The following SOX6 variants were observed in gnomAD, a reference collection of about 807,000 sequenced individuals.
The protein encoded by SOX6 is transcription factor SOX-6.
Under a neutral mutation model 97.8 loss-of-function variants are expected in SOX6, and 11 were observed. The ratio of observed to expected loss-of-function variants is 0.11; its 90% confidence interval spans 0.07 to 0.19. The LOEUF (loss-of-function observed/expected upper bound fraction) is 0.19. SOX6 is among the 10% of genes least tolerant of loss of function. SOX6 has a pLI of 1.00. For synonymous variants in SOX6, 360 were observed against 371.4 expected (o/e 0.97, Z 0.35); for missense variants, 810 against 1,039.5 (o/e 0.78, Z 3.04).
intron 1 of SOX6, among the ~76,000 whole-genome samples, chr11:16,425,459 T>C (rs1859106682): frequency 6.6e-6 from 1 of 152,206 alleles, no homozygotes; most frequent in Non-Finnish European, 1.5e-5. Context: ...TTGGAAGTCC[T>C]GGCCAGGGCA....
rs530960959 is a variant in SOX6 at position 16,516,282 on chromosome 11, T to G, written n.610-39894A>C. Among the ~76,000 whole-genome samples the G allele has an allele frequency of 6.2e-3, 943 of 152,170 alleles. 6 individuals carry two copies. Among genetic ancestry groups the G allele is most frequent in the Middle Eastern group, 0.031 (9 of 294 alleles). The stretch of plus-strand genomic sequence containing the variant: ...CCTTCACATCCCTTGTAAGTTGGAT[T>G]CCTAGGTATTTTATTCTCTTTGAAG... On this transcript the variant is annotated intron_variant and non_coding_transcript_variant, in intron 4 of 5. Transcript: ENST00000524520.
chr11:16,343,805 T>C (rs1590142306), intron 1 of SOX6, among the ~76,000 whole-genome samples: 1 of 151,966 alleles, frequency 6.6e-6, no homozygotes, highest in South Asian at 2.1e-4. Context: ...ATTCCTCCAG[T>C]GGCCATTCAG....
At chr11:16,569,860 C>A (rs1847918074) in intron 4 of SOX6, among the ~76,000 whole-genome samples, 1 of 67,136 alleles carries the variant, frequency 1.5e-5, no homozygotes, top group Non-Finnish European at 2.6e-5. Context: ...CTGATCAAGA[C>A]TCCGTCTCAA....
At chr11:16,073,225 G>C (rs1261554372) in intron 9 of SOX6, among the ~76,000 whole-genome samples, 1 of 151,998 alleles carries the variant, frequency 6.6e-6, no homozygotes, top group Non-Finnish European at 1.5e-5. Context: ...GACACCCATA[G>C]GCTAAAGGTA....
intron 3 of SOX6, among the ~76,000 whole-genome samples, chr11:16,700,450 G>A (rs1289143143): frequency 3.3e-5 from 5 of 152,120 alleles, no homozygotes; most frequent in African/African-American, 1.2e-4. Context: ...AGCAATAAAG[G>A]AATGTACTGG....
upstream of SOX6, among the ~76,000 whole-genome samples, chr11:16,479,623 A>C (rs989045002): frequency 1.3e-5 from 2 of 152,140 alleles, no homozygotes; most frequent in African/African-American, 4.8e-5. Flanking sequence ...TACATTAAAA[A>C]TTAGGAACCT....
intron 6 of SOX6, among the ~76,000 whole-genome samples, chr11:16,123,013 T>C (rs1849529633): frequency 6.6e-6 from 1 of 151,992 alleles, no homozygotes; most frequent in Non-Finnish European, 1.5e-5. Context: ...GGTAAGAAAA[T>C]ATAAAAATTG....
chr11:16,401,878 T>C (rs1009174401), intron 1 of SOX6, among the ~76,000 whole-genome samples: 1 of 151,522 alleles, frequency 6.6e-6, no homozygotes, highest in African/African-American at 2.4e-5. Flanking sequence ...TTTGGGACTA[T>C]AGAGAAGAAT....
intron 1 of SOX6, among the ~76,000 whole-genome samples, chr11:16,343,139 A>G (rs1301000281): frequency 6.6e-6 from 1 of 151,846 alleles, no homozygotes; most frequent in Admixed American, 6.6e-5. Flanking sequence ...GGCTTACTTT[A>G]CCGGCCCCAT....
chr11:16,175,323 G>A (rs1023601870), intron 6 of SOX6, among the ~76,000 whole-genome samples: 1 of 151,656 alleles, frequency 6.6e-6, no homozygotes, highest in Non-Finnish European at 1.5e-5. Flanking sequence ...AATTACTAGG[G>A]GTTTTATATA....
At chr11:16,536,090 A>C (rs541651654) in intron 4 of SOX6, among the ~76,000 whole-genome samples, 1 of 152,346 alleles carries the variant, frequency 6.6e-6, no homozygotes, top group East Asian at 1.9e-4. Context: ...GTGAAAGCAC[A>C]ACAGGTGGGT....
At chr11:16,177,653 C>CAT (rs1851234825) in intron 6 of SOX6, among the ~76,000 whole-genome samples, 1 of 149,974 alleles carries the variant, frequency 6.7e-6, no homozygotes, top group Admixed American at 6.7e-5. Context: ...CTCTCTCATT[C>CAT]TCTCTCTCTC....
chr11:16,629,074 T>C (rs1257209427), intron 3 of SOX6, among the ~76,000 whole-genome samples: 1 of 152,214 alleles, frequency 6.6e-6, no homozygotes, highest in Non-Finnish European at 1.5e-5. Context: ...TCCTATTTGG[T>C]TGACTTTCAT....
intron 3 of SOX6, among the ~76,000 whole-genome samples, chr11:16,640,600 T>A (rs1278391683): frequency 6.6e-6 from 1 of 152,220 alleles, no homozygotes; most frequent in Admixed American, 6.5e-5. Context: ...CTGTTATTGG[T>A]CTAGTCAGAG....
At chr11:16,539,947 G>A (rs973340131) in intron 4 of SOX6, among the ~76,000 whole-genome samples, 9 of 152,122 alleles carry the variant, frequency 5.9e-5, no homozygotes, top group Admixed American at 2.6e-4. Context: ...GAAAAAGAGG[G>A]AATCCTCCCT....
At chr11:16,458,644 T>C (rs1221392606) in intron 1 of SOX6, among the ~76,000 whole-genome samples, 1 of 152,066 alleles carries the variant, frequency 6.6e-6, no homozygotes, top group Non-Finnish European at 1.5e-5. Context: ...ATATATATTA[T>C]GTAACATTCC....
At chr11:16,001,051 G>T (rs1014821725) in intron 13 of SOX6, among the ~76,000 whole-genome samples, 1 of 151,736 alleles carries the variant, frequency 6.6e-6, no homozygotes, top group Non-Finnish European at 1.5e-5. Context: ...TTTTAGTAGA[G>T]ACAGGGTTTC....
chr11:16,685,743 C>G (rs1475813284), intron 3 of SOX6, among the ~76,000 whole-genome samples: 1 of 152,266 alleles, frequency 6.6e-6, no homozygotes, highest in African/African-American at 2.4e-5. Context: ...CCTCACAGCT[C>G]CGCTAGGCAA....
At chr11:16,167,391 C>A (rs1411813949) in intron 6 of SOX6, among the ~76,000 whole-genome samples, 1 of 152,118 alleles carries the variant, frequency 6.6e-6, no homozygotes, top group African/African-American at 2.4e-5. Context: ...TTCTCATGGT[C>A]TCCCTCCTTC....
Sources: gnomAD v4.1 joint callset for allele counts (sites outside exome capture counted in the v4.1 genomes callset) on GRCh38, gnomAD v4.1.1 for gene constraint, MANE v1.5 for transcripts, NCBI Gene and HGNC (gene_info 2026-07-23, HGNC 2026-07-21) for gene names.